AGL: variants seen among roughly 807,000 people sequenced by gnomAD.
The protein encoded by AGL is glycogen debranching enzyme.
AGL carries 128 observed loss-of-function variants against 199.3 expected under a neutral mutation model. The ratio of observed to expected loss-of-function variants is 0.64; its 90% CI spans 0.56 to 0.74. AGL has a LOEUF of 0.74. Ranked by LOEUF, AGL falls within the 30% of genes least tolerant of loss-of-function variation. The pLI is 0.00. For missense variants in AGL, 1,809 were observed against 1,820.8 expected (o/e 0.99, Z 0.12); for synonymous variants, 584 against 594.7 (o/e 0.98, Z 0.26).
At chr1:99,892,002 CTTA>C in intron 23 of AGL, among the ~76,000 whole-genome samples, 1 of 152,170 alleles carries the variant, frequency 6.6e-6, no homozygotes, top group South Asian at 2.1e-4. Flanking sequence ...TATTCACTGA[CTTA>C]TTGAGTTAAT....
intron 33 of AGL, among the ~76,000 whole-genome samples, chr1:99,919,861 A>G (rs964675139): frequency 6.6e-6 from 1 of 152,010 alleles, no homozygotes; most frequent in Non-Finnish European, 1.5e-5. Context: ...GATTCTAACT[A>G]CCCACTCTGG....
At chr1:99,910,645 T>C (rs984596617) in intron 27 of AGL, 67 bp from the exon 28 acceptor site, 22 of 845,272 alleles carry the variant, frequency 2.6e-5, no homozygotes, top group Admixed American at 3.9e-5. Flanking sequence ...GTAAATGTTT[T>C]AAAATATTTG....
rs1193879491 is a variant in AGL, at chr1:99,902,614, G to T, written c.3589-69G>T. 3 of 1,233,360 alleles carry T rather than the reference G, an allele frequency of 2.4e-6. No individual in the cohort carries two copies. In the African/African-American group the frequency reaches 4.5e-5, roughly 18 times the overall value. 76.4% of individuals were successfully genotyped at this position (1,233,360 alleles called of 1,614,324 possible). ...TATATATTTTCACATTACTTCAGTT[G>T]TCGGATTTGGGGGAAAATAAGAAAA... On this transcript the variant is annotated intron_variant, in intron 26 of 33. Coordinates refer to ENST00000361915, the MANE Select transcript of AGL (RefSeq NM_000642.3).
intron 2 of AGL, chr1:99,852,631 C>G (rs772459887): frequency 5.3e-6 from 4 of 757,324 alleles, no homozygotes; most frequent in Non-Finnish European, 9.8e-6. Context: ...CCTCTTTGGC[C>G]TCTGAAAGTA....
chr1:99,875,087 A>G lies in AGL; in HGVS notation c.1083-67A>G. On this transcript the variant is annotated intron_variant, in intron 8 of 33. Coordinates refer to ENST00000361915, the MANE Select transcript of AGL (RefSeq NM_000642.3). ...TTAAGGTTTCTGTGACCTTTGTTAG[A>G]AAGTTTTTAAATGTAGAATCTGTAA... 5 of 1,398,842 alleles carry G rather than the reference A, an allele frequency of 3.6e-6. No homozygotes were observed. In the South Asian group the frequency reaches 6.1e-5, roughly 17 times the overall value. The allele number at this position is 1,398,842 out of a possible 1,614,324, so 86.7% of individuals were successfully genotyped here. A position where few individuals can be genotyped will look rare whatever the true frequency, so the allele number is the denominator to read the frequency against.
chr1:99,866,826 A>AT (rs10631915), intron 5 of AGL, among the ~76,000 whole-genome samples: 111,732 of 148,698 alleles, frequency 0.75, 42,687 homozygotes, highest in African/African-American at 0.91. Context: ...TATTTATTTT[A>AT]TTTTTTTTTG....
chr1:99,881,339 A>T lies in AGL; in HGVS notation c.2049A>T (p.Glu683Asp), dbSNP rs1015495997. The change falls in exon 16 of 34, where the codon GAA becomes GAT. Residue 683 changes from glutamate (E) to aspartate (D), a missense_variant. Physicochemically the swap from Glu to Asp is conservative, Grantham distance 45 (BLOSUM62 2). Transcript: ENST00000361915. The stretch of plus-strand genomic sequence containing the variant: ...GGTTTTACACTAAGTGGAATCCTGA[A>T]GCATTGCCTTCAAACACAGGTGAAG... ...EERFYTKWNPEALPSNTGEVN... is the reference protein window; with the variant it reads ...EERFYTKWNPDALPSNTGEVN... The T allele has an allele frequency of 6.2e-7, 1 of 1,614,162 alleles. No homozygotes were observed. The highest frequency in any genetic ancestry group is 8.5e-7 in the Non-Finnish European group (1 of 1,180,008).
chr1:99,917,955 C>T (rs983117629), intron 33 of AGL, among the ~76,000 whole-genome samples: 1 of 152,066 alleles, frequency 6.6e-6, no homozygotes, highest in African/African-American at 2.4e-5. Flanking sequence ...ATTAAAAAGT[C>T]TAATTACTCT....
At chr1:99,885,117 G>A (rs921836157) in intron 20 of AGL, among the ~76,000 whole-genome samples, 3 of 152,076 alleles carry the variant, frequency 2.0e-5, no homozygotes, top group Admixed American at 6.5e-5. Flanking sequence ...CATCTAGATT[G>A]CTTCTAATTG....
At chr1:99,903,052 T>C (rs1220336676) in intron 27 of AGL, among the ~76,000 whole-genome samples, 1 of 152,216 alleles carries the variant, frequency 6.6e-6, no homozygotes, top group African/African-American at 2.4e-5. Context: ...ATGCTTACTA[T>C]TGCTAGGCAT....
In AGL at chr1:99,912,389, C is replaced by A. The variant is rs200553466; in HGVS notation, c.3837-16C>A. On this transcript the variant is annotated splice_polypyrimidine_tract_variant and intron_variant, in intron 28 of 33. Coordinates refer to ENST00000361915, the MANE Select transcript of AGL (RefSeq NM_000642.3). ...GACGCCAACTTAAAGAATAAAAATA[C>A]GTTTTTTAATTTTAGAGATGGGTCT... 6 of 1,603,096 alleles carry A rather than the reference C, an allele frequency of 3.7e-6. No homozygotes were observed. The African/African-American group carries it at 4.0e-5, about 11-fold the overall frequency.
intron 27 of AGL, among the ~76,000 whole-genome samples, chr1:99,903,929 G>A (rs1654050798): frequency 1.3e-5 from 2 of 152,218 alleles, no homozygotes; most frequent in East Asian, 1.9e-4. Context: ...CTGCATAGAT[G>A]TCTTTGCCCA....
chr1:99,894,792 T>G (rs1653173796), intron 24 of AGL, among the ~76,000 whole-genome samples: 1 of 152,208 alleles, frequency 6.6e-6, no homozygotes, highest in Admixed American at 6.5e-5. Flanking sequence ...ATTTCAGTCA[T>G]CAAATATTTA....
rs764318570 is a variant in AGL, at chr1:99,900,826, AC to A, written c.3554del (p.Thr1185LysfsTer42). 5.6e-6 allele frequency: 9 copies of A among 1,613,674 alleles called. No homozygotes were observed. The highest frequency in any genetic ancestry group is 1.3e-5 in the African/African-American group (1 of 74,888). ...GTGCCCAGTTTCCAGAATGTATCCT[AC>A]AGATGATTCTGCTCCTTTGCCTGCT... is the stretch of plus-strand genomic sequence containing the variant. ...LKCPVSRMYP[T>X]DDSAPLPAGT... On this transcript the variant is annotated frameshift_variant, in exon 26 of 34. Transcript: ENST00000361915. LOFTEE classifies it high-confidence loss of function.
intron 2 of AGL, among the ~76,000 whole-genome samples, chr1:99,859,735 T>C (rs1320821664): frequency 4.6e-5 from 7 of 152,078 alleles, no homozygotes; most frequent in Non-Finnish European, 2.9e-5. Context: ...AGAGATGGGG[T>C]TTCACCATGT....
Position 99,876,513 on chromosome 1 carries a change from C to T in AGL, c.1339C>T (p.His447Tyr). The T allele has an allele frequency of 6.2e-7, 1 of 1,612,554 alleles. No individual in the cohort carries two copies. The change falls in exon 11 of 34, where the codon CAT becomes TAT. Residue 447 changes from histidine to tyrosine, a missense_variant. Coordinates refer to ENST00000361915, the MANE Select transcript of AGL (RefSeq NM_000642.3). ...IDFSMEESMIHLPNKACFLMA... is the reference protein window; with the variant it reads ...IDFSMEESMIYLPNKACFLMA... The stretch of plus-strand genomic sequence containing the variant: ...CTTCTCCATGGAAGAATCTATGATT[C>T]ATCTGCCAAATAAAGCTTGTTTTCT...
Position 99,864,472 on chromosome 1 carries a change from C to T in AGL, c.547C>T (p.Pro183Ser). The stretch of plus-strand genomic sequence containing the variant: ...CCTTGCCAATCAGTTAGAATTAAAT[C>T]CTGACTTTTCAAGACCTAATAGAAA... Reference protein sequence around the residue: ...YSLANQLELNPDFSRPNRKYT... With the variant: ...YSLANQLELNSDFSRPNRKYT... Residue 183 changes from proline to serine, a missense_variant, in exon 5 of 34, where the codon CCT becomes TCT. Physicochemically the swap from Pro to Ser is moderately conservative, Grantham distance 74. Coordinates refer to ENST00000361915, the MANE Select transcript of AGL (RefSeq NM_000642.3). The T allele has an allele frequency of 6.2e-7, 1 of 1,613,616 alleles. No homozygotes were observed. Among genetic ancestry groups the T allele is most frequent in the Non-Finnish European group, 8.5e-7 (1 of 1,179,692 alleles).
intron 31 of AGL, 130 bp from the exon 32 acceptor site, chr1:99,916,280 T>C (rs1269853017): frequency 2.7e-6 from 2 of 727,922 alleles, no homozygotes; most frequent in Admixed American, 5.2e-5. Flanking sequence ...GATGTACTAA[T>C]GCCGAGCTTA....
intron 29 of AGL, among the ~76,000 whole-genome samples, chr1:99,913,251 A>G (rs1250486851): frequency 2.6e-5 from 4 of 152,040 alleles, no homozygotes; most frequent in Non-Finnish European, 4.4e-5. Context: ...TATTTAACTC[A>G]GTGTATGTAT....
Sources: gnomAD v4.1 joint callset for allele counts (sites outside exome capture counted in the v4.1 genomes callset) on GRCh38, gnomAD v4.1.1 for gene constraint, MANE v1.5 for transcripts, NCBI Gene and HGNC (gene_info 2026-07-23, HGNC 2026-07-21) for gene names.